The following INTS6L variants were observed in gnomAD, a reference collection of about 807,000 sequenced individuals.
INTS6L encodes the protein integrator complex subunit 6-like.
INTS6L carries 18 observed loss-of-function variants against 64.7 expected under a neutral mutation model. The ratio of observed to expected loss-of-function variants is 0.28; its 90% CI spans 0.19 to 0.41. The LOEUF is 0.41. Ranked by LOEUF, INTS6L falls within the 10% of genes least tolerant of loss-of-function variation. The pLI is 1.00. For synonymous variants in INTS6L, 227 were observed against 235.9 expected (o/e 0.96, Z 0.34); for missense variants, 533 against 661.0 (o/e 0.81, Z 2.12).
chrX:135,581,480 GA>G (rs782628345), intron 17 of INTS6L, 47 bp from the exon 18 acceptor site: 1 of 961,155 alleles, frequency 1.0e-6, no homozygotes, highest in East Asian at 3.1e-5. Context: ...TGAACATCAT[GA>G]GTACTTTAAG....
chrX:135,538,563 C>T (rs182418453), intron 2 of INTS6L, among the ~76,000 whole-genome samples: 112 of 111,978 alleles, frequency 1.0e-3, no homozygotes, highest in African/African-American at 3.4e-3. Flanking sequence ...GACCTCCTCC[C>T]ATGAATCACG....
At chrX:135,578,332 C>T (rs1290382066) in intron 15 of INTS6L, among the ~76,000 whole-genome samples, 1 of 111,892 alleles carries the variant, frequency 8.9e-6, no homozygotes, top group Non-Finnish European at 1.9e-5. Flanking sequence ...CAACTGAACT[C>T]TCGAACTTGC....
At chrX:135,572,537 A>G (rs112886392) in intron 11 of INTS6L, 4 of 235,424 alleles carry the variant, frequency 1.7e-5, no homozygotes, top group Admixed American at 6.3e-5. Context: ...TTAAATGTCT[A>G]TGAATGAAAT....
At chrX:135,565,815 C>G (rs1266010692) in intron 9 of INTS6L, among the ~76,000 whole-genome samples, 1 of 111,831 alleles carries the variant, frequency 8.9e-6, no homozygotes, top group Non-Finnish European at 1.9e-5. Context: ...GACTCTTCCC[C>G]TGTTCCCTAA....
At chrX:135,562,175 G>A (rs2086808693) in intron 9 of INTS6L, among the ~76,000 whole-genome samples, 1 of 111,259 alleles carries the variant, frequency 9.0e-6, no homozygotes, top group Non-Finnish European at 1.9e-5. Flanking sequence ...TAATTTAGCT[G>A]CTTTCCGCAA....
At chrX:135,540,735 C>CTCCTCCTCT (rs1400463461) in intron 2 of INTS6L, among the ~76,000 whole-genome samples, 6 of 109,345 alleles carry the variant, frequency 5.5e-5, no homozygotes, top group African/African-American at 2.0e-4. Context: ...CCTCCTCCTC[C>CTCCTCCTCT]TCCTCTTCCT....
chrX:135,540,368 C>A (rs1175731483), intron 2 of INTS6L, among the ~76,000 whole-genome samples: 1 of 111,899 alleles, frequency 8.9e-6, no homozygotes, highest in Non-Finnish European at 1.9e-5. Flanking sequence ...ATATTACATG[C>A]TATGCTTAGT....
intron 2 of INTS6L, among the ~76,000 whole-genome samples, chrX:135,528,852 C>T (rs187855379): frequency 1.2e-3 from 119 of 95,203 alleles, no homozygotes; most frequent in African/African-American, 4.3e-3. Context: ...CTGGAAGTTC[C>T]GTTTAAAATG....
At position 135,577,392 on chromosome X, in the gene INTS6L, A is replaced by AT; in HGVS notation, c.2085dup (p.Pro696SerfsTer21). ...CCCTCAGCCTCGTGGTTCCCATCTT[A>AT]TCCAAACCTCATAAAACCCACCCTT... On this transcript the variant is annotated frameshift_variant, in exon 15 of 18. Transcript: ENST00000639893. LOFTEE classifies it high-confidence loss of function. The AT allele has an allele frequency of 8.3e-7, 1 of 1,211,928 alleles. No individual in the cohort carries two copies. The highest frequency in any genetic ancestry group is 1.1e-6 in the Non-Finnish European group (1 of 895,578).
chrX:135,521,419 G>A (rs1556496837), intron 2 of INTS6L, 101 bp downstream of exon 2: 3 of 863,147 alleles, frequency 3.5e-6, no homozygotes, highest in Non-Finnish European at 4.8e-6. Flanking sequence ...GCGTCGCCCG[G>A]CGGGGCGGGC....
chrX:135,521,559 TCGTGGCG>T (rs1296412296), intron 2 of INTS6L, among the ~76,000 whole-genome samples: 10 of 110,272 alleles, frequency 9.1e-5, no homozygotes, highest in African/African-American at 3.3e-4. Context: ...AGGGCCGAGC[TCGTGGCG>T]CGACAACCGC....
chrX:135,538,182 A>G (rs918859467), intron 2 of INTS6L, among the ~76,000 whole-genome samples: 3 of 112,508 alleles, frequency 2.7e-5, no homozygotes, highest in Non-Finnish European at 5.6e-5. Flanking sequence ...TACCCACAGT[A>G]GAACTTCTTT....
intron 16 of INTS6L, 62 bp from the exon 17 acceptor site, chrX:135,580,988 A>G: frequency 1.2e-6 from 1 of 814,968 alleles, no homozygotes; most frequent in Non-Finnish European, 1.7e-6. Flanking sequence ...GATGTACAAC[A>G]ATTAAATTTT....
At chrX:135,557,790 A>G (rs2086678361) in intron 9 of INTS6L, among the ~76,000 whole-genome samples, 1 of 112,236 alleles carries the variant, frequency 8.9e-6, no homozygotes, top group Non-Finnish European at 1.9e-5. Flanking sequence ...AACTAGACAC[A>G]TGGGACTATA....
chrX:135,569,469 A>G (rs1486418806), intron 10 of INTS6L, 38 bp downstream of exon 10: 1 of 857,010 alleles, frequency 1.2e-6, no homozygotes, highest in South Asian at 3.6e-5. Context: ...AACTGTATCA[A>G]TGATAATTCT....
At position 135,521,087 on chromosome X, in the gene INTS6L, T is replaced by C; in HGVS notation, c.95T>C (p.Val32Ala). 8.3e-7 allele frequency: 1 copy of C among 1,209,498 alleles called. No individual in the cohort carries two copies. The highest frequency in any genetic ancestry group is 2.3e-4 in the Middle Eastern group (1 of 4,334). The part of the protein sequence containing the change: ...TSYLDIAKGA[V>A]ELFLKLRARD... ...TATTTGGACATTGCCAAAGGCGCTG[T>C]GGAGTTATTCTTGAAGGTAAAGGGA... Residue 32 changes from valine (V) to alanine (A), a missense_variant, in exon 1 of 18, where the codon GTG becomes GCG. Transcript: ENST00000639893.
At chrX:135,523,886 G>T (rs915488104) in intron 2 of INTS6L, among the ~76,000 whole-genome samples, 1 of 111,922 alleles carries the variant, frequency 8.9e-6, no homozygotes, top group South Asian at 3.7e-4. Flanking sequence ...ATGTAGGTCA[G>T]ATATATGGGA....
At chrX:135,577,880 C>T (rs183571279) in intron 15 of INTS6L, among the ~76,000 whole-genome samples, 27 of 111,661 alleles carry the variant, frequency 2.4e-4, no homozygotes, top group African/African-American at 5.9e-4. Context: ...TGCTCTAATC[C>T]GGTGCAGTCT....
rs1160691789 is a variant in INTS6L, at chrX:135,540,713, G to GCTC, written c.190-4708_190-4707insCCT. On this transcript the variant is annotated intron_variant, in intron 2 of 17. Transcript: ENST00000639893. ...TGTGGCTTACTATTCAAGCCTCCTA[G>GCTC]CTGCTCCTCCTCCTCCTCCTCCTCC... Among the ~76,000 whole-genome samples the GCTC allele has an allele frequency of 1.1e-4, 3 of 28,004 alleles. No individual in the cohort carries two copies. In the East Asian group the frequency reaches 3.5e-3, roughly 33 times the overall value. 24.3% of individuals were successfully genotyped at this position (28,004 alleles called of 115,157 possible). A position where few individuals can be genotyped will look rare whatever the true frequency, so the allele number is the denominator to read the frequency against.
Sources: allele counts gnomAD v4.1 joint callset (sites outside exome capture counted in the v4.1 genomes callset), GRCh38; gene constraint gnomAD v4.1.1; transcripts MANE v1.5; gene names NCBI Gene and HGNC (gene_info 2026-07-23, HGNC 2026-07-21).